ATAD1: variants seen among roughly 807,000 people sequenced by gnomAD.
ATAD1 encodes ATPase family AAA domain containing 1.
A neutral mutation model predicts 42.7 loss-of-function variants in ATAD1; 18 were observed. That is an observed-to-expected ratio of 0.42 (90% CI 0.29 to 0.63). The LOEUF is 0.63. ATAD1 is among the 20% of genes least tolerant of loss of function. ATAD1 has a pLI of 0.19. For synonymous variants in ATAD1, 132 were observed against 143.1 expected, an observed-to-expected ratio of 0.92 and a Z score of 0.55; for missense variants, 294 against 440.4, an observed-to-expected ratio of 0.67 and a Z score of 2.98.
chr10:87,768,688 T>G (rs528138524), intron 7 of ATAD1, among the ~76,000 whole-genome samples: 1 of 152,338 alleles, frequency 6.6e-6, no homozygotes, highest in East Asian at 1.9e-4. Flanking sequence ...TAAAACCTGT[T>G]ACAACCCATT....
intron 8 of ATAD1, among the ~76,000 whole-genome samples, chr10:87,764,593 G>A (rs916548895): frequency 1.3e-5 from 2 of 152,052 alleles, no homozygotes; most frequent in Non-Finnish European, 2.9e-5. Flanking sequence ...AATGTAAAAC[G>A]TACAAGCCAC....
intron 1 of ATAD1, among the ~76,000 whole-genome samples, chr10:87,817,292 A>G (rs555544081): frequency 9.5e-4 from 144 of 152,342 alleles, no homozygotes; most frequent in Middle Eastern, 6.8e-3. Flanking sequence ...TGCGCATACA[A>G]CAGCAGGGAG....
intron 2 of ATAD1, among the ~76,000 whole-genome samples, chr10:87,812,303 G>C (rs1033047340): frequency 6.6e-6 from 1 of 152,148 alleles, no homozygotes; most frequent in Non-Finnish European, 1.5e-5. Flanking sequence ...TTGAGATGGA[G>C]TCTCTCTCTG....
chr10:87,767,855 G>A, intron 7 of ATAD1, 132 bp from the exon 8 acceptor site: 1 of 787,404 alleles, frequency 1.3e-6, no homozygotes, highest in Non-Finnish European at 2.0e-6. Context: ...AAACTTTGAA[G>A]AGGTCAAAGC....
chr10:87,798,232 C>G (rs1210120954), intron 2 of ATAD1, among the ~76,000 whole-genome samples: 1 of 152,098 alleles, frequency 6.6e-6, no homozygotes. Context: ...CAGCACACAT[C>G]CATCCACACA....
intron 2 of ATAD1, among the ~76,000 whole-genome samples, chr10:87,796,965 C>T (rs566194521): frequency 6.6e-6 from 1 of 152,158 alleles, no homozygotes; most frequent in Non-Finnish European, 1.5e-5. Context: ...TAGCGATGGA[C>T]AGAAGGTAAC....
chr10:87,788,070 C>T (rs1450833228), intron 4 of ATAD1, among the ~76,000 whole-genome samples: 1 of 152,120 alleles, frequency 6.6e-6, no homozygotes, highest in Non-Finnish European at 1.5e-5. Context: ...TTAAATATAA[C>T]CGTCAATATC....
At chr10:87,831,277 AACTGCTTCAGTTGTC>A (rs1297972490) in intron 1 of ATAD1, among the ~76,000 whole-genome samples, 3 of 152,072 alleles carry the variant, frequency 2.0e-5, no homozygotes, top group Non-Finnish European at 4.4e-5. Context: ...AGGATTCACT[AACTGCTTCAGTTGTC>A]ATCCCATGTT....
chr10:87,757,361 T>A (rs1854274456), intron 8 of ATAD1, among the ~76,000 whole-genome samples: 1 of 152,076 alleles, frequency 6.6e-6, no homozygotes, highest in South Asian at 2.1e-4. Context: ...GCACCTATAC[T>A]TTTGCTCCTC....
chr10:87,781,322 G>A (rs1855549667), intron 5 of ATAD1, among the ~76,000 whole-genome samples: 2 of 151,918 alleles, frequency 1.3e-5, no homozygotes, highest in South Asian at 4.1e-4. Flanking sequence ...TAAAAAAAGG[G>A]AAACATTTTA....
chr10:87,810,087 T>C (rs2132043233), intron 2 of ATAD1, among the ~76,000 whole-genome samples: 1 of 152,322 alleles, frequency 6.6e-6, no homozygotes, highest in South Asian at 2.1e-4. Context: ...GATTTTTCTC[T>C]ACTGTATATT....
rs1854056452 is a variant in ATAD1 at position 87,752,482 on chromosome 10, C to T, written c.*2205G>A. The T allele has an allele frequency of 6.6e-6, 1 of 152,078 alleles. No individual in the cohort carries two copies. The highest frequency in any genetic ancestry group is 2.4e-5 in the African/African-American group (1 of 41,400). The allele number at this position is 152,078 out of a possible 1,614,324, so 9.4% of individuals were successfully genotyped here. Reference sequence around the variant, plus strand: ...GCCTTACATGCATTATTTTATTATCCAACCCTTTAAGATGAGTGCCACTGT... The same window carrying T: ...GCCTTACATGCATTATTTTATTATCTAACCCTTTAAGATGAGTGCCACTGT... On this transcript the variant is annotated 3_prime_UTR_variant, in exon 10 of 10. Coordinates refer to ENST00000680024, the MANE Select transcript of ATAD1 (RefSeq NM_001321967.2).
At chr10:87,807,723 C>A (rs1213053496) in intron 2 of ATAD1, among the ~76,000 whole-genome samples, 1 of 152,032 alleles carries the variant, frequency 6.6e-6, no homozygotes, top group Non-Finnish European at 1.5e-5. Context: ...TTATGCAGCA[C>A]TGTTATATTT....
chr10:87,795,239 C>T (rs1381653169), intron 2 of ATAD1, among the ~76,000 whole-genome samples: 1 of 151,986 alleles, frequency 6.6e-6, no homozygotes, highest in African/African-American at 2.4e-5. Flanking sequence ...ACATGGCTGG[C>T]AAATAAATGG....
At chr10:87,829,236 T>C (rs1857785068) in intron 1 of ATAD1, among the ~76,000 whole-genome samples, 1 of 116,384 alleles carries the variant, frequency 8.6e-6, no homozygotes, top group African/African-American at 3.0e-5. Context: ...TTTTATTTAT[T>C]ATTTATTTAT....
At chr10:87,769,657 A>G (rs1224119041) in intron 7 of ATAD1, among the ~76,000 whole-genome samples, 1 of 152,226 alleles carries the variant, frequency 6.6e-6, no homozygotes, top group African/African-American at 2.4e-5. Context: ...AATAAATATT[A>G]GTCATACTAG....
chr10:87,772,832 C>T (rs1002650150), intron 6 of ATAD1, among the ~76,000 whole-genome samples: 1 of 152,048 alleles, frequency 6.6e-6, no homozygotes, highest in Non-Finnish European at 1.5e-5. Flanking sequence ...AAGCAGAGAA[C>T]CTTTTCATAT....
chr10:87,830,234 T>C (rs1210972914), intron 1 of ATAD1, among the ~76,000 whole-genome samples: 1 of 152,330 alleles, frequency 6.6e-6, no homozygotes, highest in Non-Finnish European at 1.5e-5. Flanking sequence ...AAAGGAAGTG[T>C]GGTTAATATA....
Position 87,813,702 on chromosome 10 carries a change from A to G in ATAD1, c.162+736T>C, listed in dbSNP as rs7895987. On this transcript the variant is annotated intron_variant, in intron 2 of 9. Coordinates refer to ENST00000680024, the MANE Select transcript of ATAD1 (RefSeq NM_001321967.2). ...ATGTTTATTGAATAAATCTGTCACA[A>G]CTCACAAGACAGATCTAAAAATCCA... 5.5e-3 allele frequency among the ~76,000 whole-genome samples: 842 copies of G among 152,116 alleles called. 6 individuals are homozygous for G. The highest frequency in any genetic ancestry group is 0.019 in the African/African-American group (797 of 41,548).
Sources: gnomAD v4.1 joint callset for allele counts (sites outside exome capture counted in the v4.1 genomes callset) on GRCh38, gnomAD v4.1.1 for gene constraint, MANE v1.5 for transcripts, NCBI Gene and HGNC (gene_info 2026-07-23, HGNC 2026-07-21) for gene names.